TPD52L1: variants seen among roughly 807,000 people sequenced by gnomAD.
TPD52L1 encodes the protein tumor protein D53.
A neutral mutation model predicts 28.7 loss-of-function variants in TPD52L1; 18 were observed. The observed-to-expected ratio is 0.63, with a 90% CI of 0.43 to 0.93. The LOEUF (loss-of-function observed/expected upper bound fraction) is 0.93, where lower values mean the gene tolerates loss of function less well. Ranked by LOEUF, TPD52L1 falls within the 40% of genes least tolerant of loss-of-function variation. TPD52L1 has a pLI of 0.00. For missense variants in TPD52L1, 203 were observed against 254.8 expected (o/e 0.80, Z 1.39); for synonymous variants, 75 against 88.8 (o/e 0.84, Z 0.88).
chr6:125,165,207 G>A (rs1790814784), intron 1 of TPD52L1, among the ~76,000 whole-genome samples: 3 of 149,952 alleles, frequency 2.0e-5, no homozygotes, highest in South Asian at 4.2e-4. Context: ...CATAAAAGGT[G>A]ACCTCAAAAT....
At chr6:125,157,728 G>A (rs867844344) in intron 1 of TPD52L1, among the ~76,000 whole-genome samples, 20 of 152,102 alleles carry the variant, frequency 1.3e-4, no homozygotes, top group Middle Eastern at 6.8e-3. Context: ...CTTTCCCAAC[G>A]TCTTTAATGT....
intron 1 of TPD52L1, among the ~76,000 whole-genome samples, chr6:125,182,726 T>C (rs1252436088): frequency 6.6e-6 from 1 of 152,214 alleles, no homozygotes; most frequent in African/African-American, 2.4e-5. Context: ...TGTCAGTAAA[T>C]ATTGCCATAC....
At chr6:125,225,651 T>A (rs995412921) in intron 2 of TPD52L1, among the ~76,000 whole-genome samples, 1 of 152,164 alleles carries the variant, frequency 6.6e-6, no homozygotes, top group African/African-American at 2.4e-5. Flanking sequence ...AATGCAGAAA[T>A]AATTAAAATT....
chr6:125,184,209 G>A (rs1020822081), intron 1 of TPD52L1, among the ~76,000 whole-genome samples: 6 of 152,174 alleles, frequency 3.9e-5, no homozygotes, highest in African/African-American at 1.4e-4. Flanking sequence ...TTATTAAGAA[G>A]CTATTAGGAT....
In TPD52L1 at chr6:125,196,013, A is replaced by C. The variant is rs1793414081; in HGVS notation, c.20-24065A>C. 2.0e-5 allele frequency among the ~76,000 whole-genome samples: 3 copies of C among 152,186 alleles called. No individual in the cohort carries two copies. In the South Asian group the frequency reaches 6.2e-4, roughly 31 times the overall value. ...CTGAGCTCACAGTAATGCCCCTTAC[A>C]TCATACTATATTATTTAAAATCAGT... On this transcript the variant is annotated intron_variant, in intron 1 of 6. Coordinates refer to ENST00000534000, the MANE Select transcript of TPD52L1 (RefSeq NM_003287.4).
intron 1 of TPD52L1, among the ~76,000 whole-genome samples, chr6:125,185,894 A>ATTTTTT (rs536833440): frequency 0.015 from 1,931 of 130,420 alleles, 68 homozygotes; most frequent in African/African-American, 0.041. Context: ...TGGAAATTTG[A>ATTTTTT]TTTTTTTTTT....
At chr6:125,255,550 G>T (rs919533678) in intron 5 of TPD52L1, among the ~76,000 whole-genome samples, 1 of 152,092 alleles carries the variant, frequency 6.6e-6, no homozygotes, top group Non-Finnish European at 1.5e-5. Flanking sequence ...CTGAATGCAG[G>T]TACATTTCTG....
At chr6:125,252,334 AAAGAAG>A (rs1165779517) in intron 4 of TPD52L1, 4 of 342,714 alleles carry the variant, frequency 1.2e-5, no homozygotes, top group African/African-American at 4.2e-5. Context: ...TTAGAATTGA[AAAGAAG>A]AAGAAAAAAA....
chr6:125,250,992 AACATTTGTATATAAATGAGAATAACTCTT>A (rs1239615874), intron 4 of TPD52L1, among the ~76,000 whole-genome samples: 5 of 152,228 alleles, frequency 3.3e-5, no homozygotes, highest in Non-Finnish European at 7.3e-5. Context: ...AACTATATCT[AACATTTGTATATAAATGAGAATAACTCTT>A]TGTGAAAGCA....
At chr6:125,214,759 A>G (rs1794751048) in intron 1 of TPD52L1, among the ~76,000 whole-genome samples, 1 of 152,162 alleles carries the variant, frequency 6.6e-6, no homozygotes, top group South Asian at 2.1e-4. Context: ...ATACTTTTAA[A>G]AACTATTACT....
At chr6:125,253,912 T>G (rs1797431944) in intron 5 of TPD52L1, 157 bp downstream of exon 5, 2 of 813,386 alleles carry the variant, frequency 2.5e-6, no homozygotes, top group Admixed American at 1.7e-5. Context: ...AAGAATTGCG[T>G]AGCTTGGGCT....
intron 1 of TPD52L1, among the ~76,000 whole-genome samples, chr6:125,206,382 A>G (rs949018005): frequency 2.0e-5 from 3 of 152,116 alleles, no homozygotes; most frequent in African/African-American, 7.2e-5. Context: ...AATGTATATA[A>G]TATTTTGTAT....
At chr6:125,185,154 TAA>T (rs990272968) in intron 1 of TPD52L1, among the ~76,000 whole-genome samples, 1 of 152,180 alleles carries the variant, frequency 6.6e-6, no homozygotes, top group Non-Finnish European at 1.5e-5. Flanking sequence ...ACAGCAACTA[TAA>T]ATGCATTTTT....
At chr6:125,261,501 C>T (rs1798054636) in intron 6 of TPD52L1, 1 of 151,818 alleles carries the variant, frequency 6.6e-6, no homozygotes, top group Non-Finnish European at 1.5e-5. Context: ...TTATGAAAAA[C>T]AATGGGAGGG....
Position 125,262,887 on chromosome 6 carries a change from C to T in TPD52L1, c.540C>T (p.Ser180=). Residue 180 remains serine (S), a synonymous_variant, in exon 7 of 7, where the codon AGC becomes AGT. Coordinates refer to ENST00000534000, the MANE Select transcript of TPD52L1 (RefSeq NM_003287.4). ...PNGGSFEEVL[S]STAHASAQSL... ...GAGGCAGTTTTGAGGAGGTCCTCAG[C>T]TCCACGGCCCATGCCAGTGCCCAGA... 1 of 1,614,250 alleles carries T rather than the reference C, an allele frequency of 6.2e-7. No individual in the cohort carries two copies. The highest frequency in any genetic ancestry group is 1.3e-5 in the African/African-American group (1 of 75,076).
chr6:125,185,540 CA>C (rs1321373924), intron 1 of TPD52L1, among the ~76,000 whole-genome samples: 1 of 151,752 alleles, frequency 6.6e-6, no homozygotes, highest in African/African-American at 2.4e-5. Context: ...AAGATAAAAT[CA>C]GAATGAAATT....
chr6:125,263,424 A>C lies in TPD52L1; in HGVS notation c.*462A>C, dbSNP rs1020712792. The C allele has an allele frequency of 6.5e-6, 1 of 154,768 alleles. No homozygotes were observed. Among genetic ancestry groups the C allele is most frequent in the Non-Finnish European group, 1.4e-5 (1 of 69,648 alleles). 9.6% of individuals were successfully genotyped at this position (154,768 alleles called of 1,614,324 possible). The stretch of plus-strand genomic sequence containing the variant: ...GATGATTTACTATAAATTTCATCCA[A>C]CTACTTGTGATCTCTCTCACCTACA... On this transcript the variant is annotated 3_prime_UTR_variant, in exon 7 of 7. Transcript: ENST00000534000.
intron 1 of TPD52L1, among the ~76,000 whole-genome samples, chr6:125,188,779 C>T (rs570428916): frequency 1.3e-5 from 2 of 152,316 alleles, no homozygotes; most frequent in East Asian, 3.9e-4. Flanking sequence ...ATCAAAGTGG[C>T]ATGCATGGCA....
chr6:125,230,044 G>A (rs1193941401), intron 3 of TPD52L1, among the ~76,000 whole-genome samples: 1 of 152,004 alleles, frequency 6.6e-6, no homozygotes, highest in East Asian at 1.9e-4. Context: ...TCGAGATGGC[G>A]CCACTCCACT....
Sources: allele counts gnomAD v4.1 joint callset (sites outside exome capture counted in the v4.1 genomes callset), GRCh38; gene constraint gnomAD v4.1.1; transcripts MANE v1.5; gene names NCBI Gene and HGNC (gene_info 2026-07-23, HGNC 2026-07-21).